Variants in ZNF536 observed in about 807,000 individuals in gnomAD.
The protein encoded by ZNF536 is zinc finger protein 536.
In ZNF536, 13 loss-of-function variants were observed where a neutral mutation model predicts 84.5. The ratio of observed to expected loss-of-function variants is 0.15; its 90% confidence interval spans 0.10 to 0.24. The LOEUF (loss-of-function observed/expected upper bound fraction) is 0.24. Ranked by LOEUF, ZNF536 falls within the 10% of genes least tolerant of loss-of-function variation. The pLI, the probability that ZNF536 is intolerant of heterozygous loss-of-function variation, is 1.00. For synonymous variants in ZNF536, 811 were observed against 742.5 expected (o/e 1.09, Z -1.50); for missense variants, 1,536 against 1,747.5 (o/e 0.88, Z 2.16).
At chr19:30,239,247 TAGAC>T (rs2023763425) in intron 1 of ZNF536, among the ~76,000 whole-genome samples, 1 of 152,240 alleles carries the variant, frequency 6.6e-6, no homozygotes, top group Non-Finnish European at 1.5e-5. Flanking sequence ...GAGTGCCTAT[TAGAC>T]AGGTGGCCTT....
intron 2 of ZNF536, among the ~76,000 whole-genome samples, chr19:30,323,009 G>C (rs1210510086): frequency 1.3e-5 from 2 of 152,178 alleles, no homozygotes; most frequent in Non-Finnish European, 2.9e-5. Flanking sequence ...TTGACTGGAA[G>C]ACCCAGTCCT....
intron 1 of ZNF536, among the ~76,000 whole-genome samples, chr19:30,632,653 ACC>A (rs1483522713): frequency 1.5e-3 from 1 of 666 alleles, no homozygotes; most frequent in African/African-American, 1.9e-3. Flanking sequence ...CAACCAACAA[ACC>A]AACCAACCAA....
At chr19:30,519,955 T>C (rs1171499080) in intron 2 of ZNF536, among the ~76,000 whole-genome samples, 1 of 152,166 alleles carries the variant, frequency 6.6e-6, no homozygotes, top group East Asian at 1.9e-4. Flanking sequence ...TCTGGGATGA[T>C]TGGGCAGACC....
At chr19:30,616,111 C>T (rs2048285755) in intron 1 of ZNF536, among the ~76,000 whole-genome samples, 1 of 152,146 alleles carries the variant, frequency 6.6e-6, no homozygotes, top group East Asian at 1.9e-4. Flanking sequence ...GGTATGGAGT[C>T]ATATCTTTTT....
At chr19:30,561,909 C>T (rs984264572), downstream of ZNF536, among the ~76,000 whole-genome samples, 2 of 152,164 alleles carry the variant, frequency 1.3e-5, no homozygotes, top group African/African-American at 4.8e-5. Flanking sequence ...AGTGAGAACA[C>T]CCTCTTGGGT....
intron 1 of ZNF536, among the ~76,000 whole-genome samples, chr19:30,578,962 G>C (rs1015575187): frequency 6.6e-6 from 1 of 152,156 alleles, no homozygotes; most frequent in Non-Finnish European, 1.5e-5. Context: ...CTGTGACCTT[G>C]GTCAGGCTGC....
intron 3 of ZNF536, among the ~76,000 whole-genome samples, chr19:30,541,880 A>C (rs2045344421): frequency 6.6e-6 from 1 of 152,242 alleles, no homozygotes; most frequent in African/African-American, 2.4e-5. Context: ...CTGTGTGAAA[A>C]GTCTTCAGGT....
At chr19:30,447,723 G>T (rs1184926600) in intron 2 of ZNF536, among the ~76,000 whole-genome samples, 1 of 152,208 alleles carries the variant, frequency 6.6e-6, no homozygotes, top group African/African-American at 2.4e-5. Context: ...CTAGGATGAG[G>T]TCTGCTCTTC....
At chr19:30,620,049 G>A (rs964293690) in intron 1 of ZNF536, among the ~76,000 whole-genome samples, 6 of 139,442 alleles carry the variant, frequency 4.3e-5, no homozygotes, top group Admixed American at 1.5e-4. Context: ...TTTTTGTAGT[G>A]ATAATTTAGG....
intron 1 of ZNF536, among the ~76,000 whole-genome samples, chr19:30,387,957 G>T (rs2049413886): frequency 6.6e-6 from 1 of 152,192 alleles, no homozygotes; most frequent in Non-Finnish European, 1.5e-5. Context: ...CCAGGCACCA[G>T]CTGGGTGTCT....
chr19:30,488,430 A>G (rs1193172744), intron 2 of ZNF536, among the ~76,000 whole-genome samples: 1 of 152,146 alleles, frequency 6.6e-6, no homozygotes, highest in Non-Finnish European at 1.5e-5. Context: ...CATTCCCGGA[A>G]TCTGGAGTTG....
At chr19:30,685,308 A>G (rs538639160) in intron 1 of ZNF536, among the ~76,000 whole-genome samples, 2 of 152,316 alleles carry the variant, frequency 1.3e-5, no homozygotes, top group African/African-American at 4.8e-5. Context: ...CAAGTCCTCG[A>G]GGTAGCCCCA....
chr19:30,303,645 G>A (rs2046257926), intron 2 of ZNF536, among the ~76,000 whole-genome samples: 1 of 152,230 alleles, frequency 6.6e-6, no homozygotes, highest in African/African-American at 2.4e-5. Flanking sequence ...TGGGATTACA[G>A]GTGCCGGCCA....
intron 2 of ZNF536, among the ~76,000 whole-genome samples, chr19:30,465,846 G>C (rs1447687753): frequency 6.6e-6 from 1 of 152,050 alleles, no homozygotes; most frequent in Non-Finnish European, 1.5e-5. Flanking sequence ...CACCTCCCAG[G>C]TTCATGCCAT....
intron 1 of ZNF536, among the ~76,000 whole-genome samples, chr19:30,243,560 A>G (rs2024079132): frequency 6.6e-6 from 1 of 152,228 alleles, no homozygotes; most frequent in African/African-American, 2.4e-5. Flanking sequence ...CTTTTCCATA[A>G]TAAATAGCAA....
In ZNF536 at chr19:30,653,564, A is replaced by G. The variant is rs2049789501; in HGVS notation, c.170-57193A>G. On this transcript the variant is annotated intron_variant, in intron 1 of 1. Transcript: ENST00000592773. ...AAATCCAGGCTTTCAGGTTCTCTTG[A>G]AAAACTAGAATGTCTGGGACAAGAG... Among the ~76,000 whole-genome samples, 2 of 152,236 alleles carry G rather than the reference A, an allele frequency of 1.3e-5. 1 individual carries two copies. The highest frequency in any genetic ancestry group is 1.3e-4 in the Admixed American group (2 of 15,290).
intron 3 of ZNF536, among the ~76,000 whole-genome samples, chr19:30,545,688 C>T (rs963886946): frequency 5.9e-5 from 9 of 152,050 alleles, no homozygotes; most frequent in East Asian, 1.9e-4. Flanking sequence ...TGAGCCACTG[C>T]GCTTGGCCTC....
intron 1 of ZNF536, among the ~76,000 whole-genome samples, chr19:30,235,262 C>A (rs763468245): frequency 3.3e-5 from 5 of 152,254 alleles, no homozygotes. Flanking sequence ...GTGGCATGGC[C>A]GAGCGGGCAT....
At chr19:30,573,050 T>C (rs1303019478) in intron 1 of ZNF536, among the ~76,000 whole-genome samples, 1 of 152,042 alleles carries the variant, frequency 6.6e-6, no homozygotes, top group East Asian at 1.9e-4. Flanking sequence ...GCACATATTC[T>C]AAGGAGAGGG....
Sources: gnomAD v4.1 joint callset for allele counts (sites outside exome capture counted in the v4.1 genomes callset) on GRCh38, gnomAD v4.1.1 for gene constraint, MANE v1.5 for transcripts, NCBI Gene and HGNC (gene_info 2026-07-23, HGNC 2026-07-21) for gene names.